Variants in SHANK2 observed in about 807,000 individuals in gnomAD.
SHANK2 encodes SH3 and multiple ankyrin repeat domains 2, also known as SH3 and multiple ankyrin repeat domains protein 2.
A neutral mutation model predicts 133.7 loss-of-function variants in SHANK2; 43 were observed. The observed-to-expected ratio is 0.32, with a 90% CI of 0.25 to 0.41. The LOEUF is 0.41. Ranked by LOEUF, SHANK2 falls within the 10% of genes least tolerant of loss-of-function variation. SHANK2 has a pLI of 1.00. For synonymous variants in SHANK2, 1,017 were observed against 952.8 expected (o/e 1.07, Z -1.24); for missense variants, 1,994 against 2,235.8 (o/e 0.89, Z 2.18).
chr11:71,145,328 C>T (rs1555106512), intron 3 of SHANK2, among the ~76,000 whole-genome samples: 1 of 152,194 alleles, frequency 6.6e-6, no homozygotes, highest in Non-Finnish European at 1.5e-5. Flanking sequence ...GCATAAAAAC[C>T]CCTCAGAATG....
intron 10 of SHANK2, chr11:70,907,813 T>C (rs782368615): frequency 1.2e-5 from 5 of 429,158 alleles, no homozygotes; most frequent in Non-Finnish European, 1.9e-5. Flanking sequence ...TAAAACTTAA[T>C]AGACTGGGTC....
intron 10 of SHANK2, among the ~76,000 whole-genome samples, chr11:70,926,205 C>G (rs183573336): frequency 6.6e-6 from 1 of 151,630 alleles, no homozygotes; most frequent in East Asian, 1.9e-4. Flanking sequence ...CTCAGGAGTT[C>G]GAGACCAGCC....
intron 2 of SHANK2, among the ~76,000 whole-genome samples, chr11:71,200,953 T>C (rs1483310919): frequency 2.6e-5 from 4 of 152,050 alleles, no homozygotes; most frequent in African/African-American, 9.7e-5. Flanking sequence ...CAGTGGTGCA[T>C]TCAACCAATA....
At chr11:70,623,033 AGGC>A (rs2060852447) in intron 17 of SHANK2, among the ~76,000 whole-genome samples, 1 of 152,048 alleles carries the variant, frequency 6.6e-6, no homozygotes, top group Non-Finnish European at 1.5e-5. Flanking sequence ...AAAATTAGCC[AGGC>A]ATGGTGGCAC....
chr11:70,766,021 G>A (rs1380839282), intron 14 of SHANK2, among the ~76,000 whole-genome samples: 2 of 152,198 alleles, frequency 1.3e-5, no homozygotes, highest in Admixed American at 1.3e-4. Context: ...TCCATAGCAG[G>A]TTATCTGGAA....
chr11:71,093,789 C>T (rs942963578), intron 7 of SHANK2, among the ~76,000 whole-genome samples: 13 of 152,212 alleles, frequency 8.5e-5, no homozygotes, highest in Non-Finnish European at 1.8e-4. Context: ...CACACACCAA[C>T]AGAAGGGGTG....
chr11:70,879,446 G>A (rs1555071999), intron 11 of SHANK2, among the ~76,000 whole-genome samples: 2 of 152,332 alleles, frequency 1.3e-5, no homozygotes, highest in African/African-American at 2.4e-5. Context: ...GGTCTCAAAT[G>A]CAGGGAGTGG....
At chr11:71,084,658 G>A (rs1489364201) in intron 8 of SHANK2, among the ~76,000 whole-genome samples, 4 of 152,178 alleles carry the variant, frequency 2.6e-5, no homozygotes, top group Non-Finnish European at 2.9e-5. Context: ...GCCCAGTGAG[G>A]TCCAGGAAAA....
At chr11:70,491,727 T>C (rs2058889272) in intron 22 of SHANK2, among the ~76,000 whole-genome samples, 1 of 152,204 alleles carries the variant, frequency 6.6e-6, no homozygotes, top group Non-Finnish European at 1.5e-5. Flanking sequence ...GGCCACGCCT[T>C]GTTCAGGACG....
rs1424772112 is a variant in SHANK2 at position 70,807,589 on chromosome 11, G to A, written c.1494-418C>T. 6.6e-6 allele frequency among the ~76,000 whole-genome samples: 1 copy of A among 152,152 alleles called. No individual in the cohort carries two copies. The highest frequency in any genetic ancestry group is 2.4e-5 in the African/African-American group (1 of 41,432). On this transcript the variant is annotated intron_variant, in intron 12 of 25. Transcript: ENST00000601538. This position sits in a 1 kb window ranked among gnomAD's most constrained non-coding sequence, Gnocchi z 4.8. ...TCACATCTGTAATCCCAGCACTTTG[G>A]GAGGCTGAGGTGGGCAGACCACCTG...
chr11:70,822,706 G>C (rs11237609), intron 11 of SHANK2, among the ~76,000 whole-genome samples: 12 of 67,486 alleles, frequency 1.8e-4, no homozygotes, highest in East Asian at 5.2e-4. Flanking sequence ...GCTGGCAGAG[G>C]TCATGGGGGA....
chr11:70,682,450 C>T (rs1319383400), intron 15 of SHANK2, among the ~76,000 whole-genome samples: 1 of 152,214 alleles, frequency 6.6e-6, no homozygotes, highest in African/African-American at 2.4e-5. Flanking sequence ...ACCTGCCTGG[C>T]CAACATGGTG....
chr11:70,766,343 A>G (rs1473482253), intron 14 of SHANK2, among the ~76,000 whole-genome samples: 1 of 152,184 alleles, frequency 6.6e-6, no homozygotes, highest in African/African-American at 2.4e-5. Flanking sequence ...CCTCTGTGTC[A>G]TGTAAGCCAT....
chr11:70,713,720 A>G lies in SHANK2; in HGVS notation c.1778-14957T>C, dbSNP rs868967530. On this transcript the variant is annotated intron_variant, in intron 14 of 25. Transcript: ENST00000601538. Reference sequence around the variant, plus strand: ...GTGTCCGTCACAGCGCCGGGTGTCCATTGCTGCCACCATGTGATCTTGATC... The same window carrying G: ...GTGTCCGTCACAGCGCCGGGTGTCCGTTGCTGCCACCATGTGATCTTGATC... Among the ~76,000 whole-genome samples the G allele has an allele frequency of 5.3e-5, 8 of 152,282 alleles. No individual in the cohort carries two copies. The Middle Eastern group carries it at 0.01, about 196-fold the overall frequency.
intron 17 of SHANK2, among the ~76,000 whole-genome samples, chr11:70,508,006 C>T (rs2059156545): frequency 6.6e-6 from 1 of 152,238 alleles, no homozygotes; most frequent in Non-Finnish European, 1.5e-5. Flanking sequence ...CTTTGCACCC[C>T]TCCAGGGTAT....
At chr11:70,847,463 G>A (rs1000541615) in intron 11 of SHANK2, among the ~76,000 whole-genome samples, 4 of 152,174 alleles carry the variant, frequency 2.6e-5, no homozygotes, top group Non-Finnish European at 4.4e-5. Flanking sequence ...TGCTGTCAGC[G>A]TTAAAAATAG....
rs781904165 is a variant in SHANK2, at chr11:70,490,305, C to T, written c.2522G>A (p.Arg841Gln). ...TGATTTCTGCCTTCGCATCGTACCT[C>T]GAGGGATGCCCAGAAACGGGGCTTT... ...SPKAPFLGIP[R>Q]GTMRRQKSID... Residue 841 changes from arginine (R) to glutamine (Q), a missense_variant, in exon 23 of 26, where the codon CGA becomes CAA. By Grantham distance (43) the Arg-to-Gln change is conservative (BLOSUM62 1). This residue lies in a region of SHANK2 where 488 missense variants were observed against 642.6 expected (regional missense o/e 0.76). Coordinates refer to ENST00000601538, the MANE Select transcript of SHANK2 (RefSeq NM_012309.5). 1.8e-5 allele frequency: 29 copies of T among 1,614,098 alleles called. 1 individual carries two copies. The highest frequency in any genetic ancestry group is 5.0e-5 in the Admixed American group (3 of 60,012).
At chr11:70,899,400 CG>C (rs1388440299) in intron 10 of SHANK2, among the ~76,000 whole-genome samples, 1 of 152,072 alleles carries the variant, frequency 6.6e-6, no homozygotes, top group East Asian at 1.9e-4. Context: ...CCCAGCCATG[CG>C]GAACTGTGTA....
chr11:70,677,846 G>A (rs992075058), intron 15 of SHANK2, among the ~76,000 whole-genome samples: 3 of 152,184 alleles, frequency 2.0e-5, no homozygotes, highest in Non-Finnish European at 2.9e-5. Flanking sequence ...CAAACTTCTC[G>A]CTGAGGAAGA....
Sources: gnomAD v4.1 joint callset for allele counts (sites outside exome capture counted in the v4.1 genomes callset) on GRCh38, gnomAD v4.1.1 for gene constraint, gnomAD v4.1.1 regional missense constraint, Gnocchi (gnomAD v3.1) non-coding constraint, MANE v1.5 for transcripts, NCBI Gene and HGNC (gene_info 2026-07-23, HGNC 2026-07-21) for gene names.